The following FRMD4B variants were observed in gnomAD, a reference collection of about 807,000 sequenced individuals.
The protein encoded by FRMD4B is FERM domain-containing protein 4B.
A neutral mutation model predicts 141.5 loss-of-function variants in FRMD4B; 74 were observed. The ratio of observed to expected loss-of-function variants is 0.52; its 90% CI spans 0.43 to 0.63. The LOEUF is 0.63. FRMD4B is among the 30% of genes least tolerant of loss of function. The pLI is 0.00. For missense variants in FRMD4B, 1,366 were observed against 1,253.4 expected (o/e 1.09, Z -1.36); for synonymous variants, 506 against 467.9 (o/e 1.08, Z -1.05).
At chr3:69,193,609 G>T in intron 17 of FRMD4B, 39 bp downstream of exon 17, 1 of 1,041,568 alleles carries the variant, frequency 9.6e-7, no homozygotes, top group South Asian at 1.4e-5. Flanking sequence ...GAAGTACTGA[G>T]TAGGGGACTC....
intron 11 of FRMD4B, among the ~76,000 whole-genome samples, chr3:69,215,282 C>CTTTTTTTTTTTTTTTTTTTTT (rs1559724064): frequency 1.3e-4 from 5 of 37,474 alleles, no homozygotes; most frequent in East Asian, 8.5e-4. Context: ...GATTGTGACC[C>CTTTTTTTTTTTTTTTTTTTTT]TCTTTTTTTT....
intron 1 of FRMD4B, among the ~76,000 whole-genome samples, chr3:69,461,385 C>A (rs989398916): frequency 1.9e-4 from 12 of 64,682 alleles, no homozygotes; most frequent in African/African-American, 4.4e-4. Flanking sequence ...ATAGTGAGAC[C>A]CCCCCCATCT....
intron 1 of FRMD4B, among the ~76,000 whole-genome samples, chr3:69,462,780 T>C (rs1382506213): frequency 1.3e-5 from 2 of 152,232 alleles, no homozygotes; most frequent in East Asian, 3.8e-4. Context: ...GAGGTACTTG[T>C]GGCAGGCGAT....
intron 17 of FRMD4B, among the ~76,000 whole-genome samples, chr3:69,192,369 C>T (rs1170250764): frequency 6.6e-6 from 1 of 152,070 alleles, no homozygotes; most frequent in Admixed American, 6.6e-5. Flanking sequence ...GAAAGAGATC[C>T]TGTCTCAAAA....
At chr3:69,503,245 T>C (rs749376721) in intron 1 of FRMD4B, among the ~76,000 whole-genome samples, 2 of 152,142 alleles carry the variant, frequency 1.3e-5, no homozygotes, top group South Asian at 2.1e-4. Flanking sequence ...CCTATGTTTA[T>C]TGCAGCACTA....
chr3:69,229,958 G>A (rs920199684), intron 7 of FRMD4B, among the ~76,000 whole-genome samples: 3 of 151,564 alleles, frequency 2.0e-5, no homozygotes, highest in East Asian at 1.9e-4. Flanking sequence ...GAGATAGACC[G>A]CACCCGGCCA....
At chr3:69,517,258 T>C (rs1342209392) in intron 1 of FRMD4B, among the ~76,000 whole-genome samples, 3 of 152,190 alleles carry the variant, frequency 2.0e-5, no homozygotes, top group Non-Finnish European at 4.4e-5. Flanking sequence ...ATATTTCTTG[T>C]TTTTTCAATA....
chr3:69,388,123 G>A (rs950160146), upstream of FRMD4B, among the ~76,000 whole-genome samples: 1 of 151,888 alleles, frequency 6.6e-6, no homozygotes, highest in South Asian at 2.1e-4. Flanking sequence ...CTGTGTTCTC[G>A]GAAATGTCAG....
intron 4 of FRMD4B, among the ~76,000 whole-genome samples, chr3:69,299,048 T>C (rs1197315893): frequency 6.6e-6 from 1 of 152,126 alleles, no homozygotes; most frequent in Non-Finnish European, 1.5e-5. Context: ...AATGAATGCA[T>C]TTGTTTATGT....
In FRMD4B at chr3:69,530,769, A is replaced by T. The variant is rs937128992; in HGVS notation, c.-129+11437T>A. On this transcript the variant is annotated intron_variant, in intron 1 of 5. Coordinates refer to the FRMD4B transcript ENST00000459638. ...ATAATCCCTCCCAAAGCCTTAGCATACACAGTGATGAATTCACAGGTTAGA... is the reference window on the plus strand; with the variant it reads ...ATAATCCCTCCCAAAGCCTTAGCATTCACAGTGATGAATTCACAGGTTAGA... Among the ~76,000 whole-genome samples, 20 of 152,342 alleles carry T rather than the reference A, an allele frequency of 1.3e-4. 1 individual carries two copies. The highest frequency in any genetic ancestry group is 4.3e-4 in the African/African-American group (18 of 41,576).
At chr3:69,464,739 A>C (rs1420947587) in intron 1 of FRMD4B, among the ~76,000 whole-genome samples, 1 of 152,176 alleles carries the variant, frequency 6.6e-6, no homozygotes. Flanking sequence ...GGAACAACAC[A>C]CCGTCAATAA....
chr3:69,520,644 T>C (rs889985809), intron 1 of FRMD4B, among the ~76,000 whole-genome samples: 1 of 151,872 alleles, frequency 6.6e-6, no homozygotes, highest in African/African-American at 2.4e-5. Context: ...CAAGAGCCCA[T>C]GGAAAAATAT....
intron 1 of FRMD4B, among the ~76,000 whole-genome samples, chr3:69,465,889 T>G (rs1343721107): frequency 6.6e-6 from 1 of 152,226 alleles, no homozygotes; most frequent in Non-Finnish European, 1.5e-5. Flanking sequence ...TGATTTATAA[T>G]CCTTTGGGTA....
intron 1 of FRMD4B, among the ~76,000 whole-genome samples, chr3:69,506,118 G>T (rs1575594555): frequency 6.6e-6 from 1 of 152,102 alleles, no homozygotes; most frequent in East Asian, 1.9e-4. Context: ...AGCAACAAAG[G>T]TGGTTAAAAA....
At chr3:69,321,344 C>T (rs1390474347) in intron 1 of FRMD4B, among the ~76,000 whole-genome samples, 2 of 152,188 alleles carry the variant, frequency 1.3e-5, no homozygotes, top group Non-Finnish European at 2.9e-5. Flanking sequence ...AAGGAAGCAG[C>T]AAGCCTTTTT....
intron 1 of FRMD4B, among the ~76,000 whole-genome samples, chr3:69,385,516 C>T (rs1704227886): frequency 6.6e-6 from 1 of 152,172 alleles, no homozygotes; most frequent in South Asian, 2.1e-4. Flanking sequence ...GTCTAAGTGG[C>T]TTTCTGAAGA....
chr3:69,190,026 T>A, intron 17 of FRMD4B, 74 bp from the exon 18 acceptor site: 1 of 777,556 alleles, frequency 1.3e-6, no homozygotes, highest in East Asian at 2.5e-5. Context: ...TAAACAATTT[T>A]CAATGGAATG....
intron 1 of FRMD4B, among the ~76,000 whole-genome samples, chr3:69,476,887 T>C (rs1174253398): frequency 1.3e-5 from 2 of 152,204 alleles, no homozygotes; most frequent in African/African-American, 4.8e-5. Context: ...CACTGAGCAG[T>C]GGTTTGTAGT....
At chr3:69,514,337 G>T (rs1700710147) in intron 1 of FRMD4B, among the ~76,000 whole-genome samples, 1 of 151,990 alleles carries the variant, frequency 6.6e-6, no homozygotes, top group South Asian at 2.1e-4. Context: ...TTAAGAATAA[G>T]CTAAGCAAGG....
Sources: allele counts gnomAD v4.1 joint callset (sites outside exome capture counted in the v4.1 genomes callset), GRCh38; gene constraint gnomAD v4.1.1; transcripts MANE v1.5; gene names NCBI Gene and HGNC (gene_info 2026-07-23, HGNC 2026-07-21).